The following CCBE1 variants were observed in gnomAD, a reference collection of about 807,000 sequenced individuals.
The protein encoded by CCBE1 is collagen and calcium binding EGF domains 1.
Under a neutral mutation model 50.0 loss-of-function variants are expected in CCBE1, and 37 were observed. That is an observed-to-expected ratio of 0.74 (90% confidence interval 0.57 to 0.97). The LOEUF is 0.97. Among genes scored for constraint, CCBE1 ranks in the 50% least tolerant of loss-of-function variants. The pLI is 0.00. For synonymous variants in CCBE1, 234 were observed against 203.7 expected (o/e 1.15, Z -1.27); for missense variants, 538 against 523.8 (o/e 1.03, Z -0.26).
At chr18:59,661,509 A>C (rs1410106123) in intron 2 of CCBE1, among the ~76,000 whole-genome samples, 1 of 152,148 alleles carries the variant, frequency 6.6e-6, no homozygotes, top group East Asian at 1.9e-4. Flanking sequence ...CTCATTACTC[A>C]GGTAGTTTTA....
At chr18:59,560,967 G>A (rs2052728269) in intron 2 of CCBE1, among the ~76,000 whole-genome samples, 1 of 152,230 alleles carries the variant, frequency 6.6e-6, no homozygotes, top group Non-Finnish European at 1.5e-5. Flanking sequence ...GGGGCCTAAG[G>A]CACTCCTAGA....
At chr18:59,476,790 T>A (rs1397338652) in intron 3 of CCBE1, among the ~76,000 whole-genome samples, 5 of 152,256 alleles carry the variant, frequency 3.3e-5, no homozygotes, top group African/African-American at 1.2e-4. Flanking sequence ...TAGGCCATGG[T>A]ACCCAGCTAT....
At chr18:59,583,895 G>A (rs1480175231) in intron 2 of CCBE1, among the ~76,000 whole-genome samples, 1 of 152,158 alleles carries the variant, frequency 6.6e-6, no homozygotes, top group African/African-American at 2.4e-5. Context: ...CTTTTACACT[G>A]CTGGTGGGAC....
In CCBE1 at chr18:59,435,756, T is replaced by C; in HGVS notation, c.*152A>G. 3 of 770,510 alleles carry C rather than the reference T, an allele frequency of 3.9e-6. No individual in the cohort carries two copies. The highest frequency in any genetic ancestry group is 6.9e-6 in the Non-Finnish European group (3 of 432,130). 47.7% of individuals were successfully genotyped at this position (770,510 alleles called of 1,614,324 possible). A position where few individuals can be genotyped will look rare whatever the true frequency, so the allele number is the denominator to read the frequency against. ...GGAGGGGACTCTGAAAATAGCATCG[T>C]ATTTGGAAGAAGAGGAGTGGAGAGA... is the stretch of plus-strand genomic sequence containing the variant. On this transcript the variant is annotated 3_prime_UTR_variant, in exon 11 of 11. Coordinates refer to ENST00000439986, the MANE Select transcript of CCBE1 (RefSeq NM_133459.4).
intron 2 of CCBE1, among the ~76,000 whole-genome samples, chr18:59,513,296 A>G (rs1170865288): frequency 7.0e-6 from 1 of 141,866 alleles, no homozygotes; most frequent in Non-Finnish European, 1.5e-5. Flanking sequence ...TGACAGAGAG[A>G]CTGTCTCAAA....
intron 2 of CCBE1, among the ~76,000 whole-genome samples, chr18:59,686,892 G>T (rs538074243): frequency 2.0e-5 from 3 of 152,186 alleles, no homozygotes; most frequent in Non-Finnish European, 4.4e-5. Flanking sequence ...ATATTACATT[G>T]TAAGTTTTTC....
At chr18:59,626,683 T>C (rs1357789840) in intron 2 of CCBE1, among the ~76,000 whole-genome samples, 1 of 152,256 alleles carries the variant, frequency 6.6e-6, no homozygotes, top group Non-Finnish European at 1.5e-5. Flanking sequence ...AGCTAGCAAG[T>C]GGTAAGGCCA....
chr18:59,589,227 T>C (rs1447845574), intron 2 of CCBE1, among the ~76,000 whole-genome samples: 2 of 152,174 alleles, frequency 1.3e-5, no homozygotes, highest in African/African-American at 2.4e-5. Flanking sequence ...ACTTACATTA[T>C]AGTTATCTAG....
chr18:59,435,684 G>A lies in CCBE1; in HGVS notation c.*224C>T. The A allele has an allele frequency of 1.7e-6, 1 of 600,560 alleles. No homozygotes were observed. The highest frequency in any genetic ancestry group is 3.0e-6 in the Non-Finnish European group (1 of 338,014). The allele number at this position is 600,560 out of a possible 1,614,324, so 37.2% of individuals were successfully genotyped here. ...CAAACCACCCCAATGGACTCTTAGTGAGAAGCAGGTAAATCAATCATTCAC... is the reference window on the plus strand; with the variant it reads ...CAAACCACCCCAATGGACTCTTAGTAAGAAGCAGGTAAATCAATCATTCAC... On this transcript the variant is annotated 3_prime_UTR_variant, in exon 11 of 11. Coordinates refer to ENST00000439986, the MANE Select transcript of CCBE1 (RefSeq NM_133459.4).
chr18:59,463,297 A>G (rs945712290), intron 5 of CCBE1, among the ~76,000 whole-genome samples: 6 of 152,174 alleles, frequency 3.9e-5, no homozygotes, highest in African/African-American at 1.4e-4. Flanking sequence ...CAGCAATCGT[A>G]GCTCACTGCA....
At chr18:59,481,179 T>A (rs1912553332) in intron 2 of CCBE1, among the ~76,000 whole-genome samples, 1 of 151,974 alleles carries the variant, frequency 6.6e-6, no homozygotes, top group Admixed American at 6.5e-5. Context: ...GACAAATAGA[T>A]CTGAAATTTT....
intron 2 of CCBE1, among the ~76,000 whole-genome samples, chr18:59,609,047 A>G (rs984409900): frequency 2.0e-5 from 3 of 152,212 alleles, no homozygotes; most frequent in African/African-American, 7.2e-5. Context: ...TCATATGTGC[A>G]TCTGTTGACC....
intron 2 of CCBE1, among the ~76,000 whole-genome samples, chr18:59,583,360 G>C (rs968648614): frequency 6.6e-6 from 1 of 152,154 alleles, no homozygotes; most frequent in African/African-American, 2.4e-5. Flanking sequence ...GGAACTTCAA[G>C]GCACTTCCCC....
intron 2 of CCBE1, among the ~76,000 whole-genome samples, chr18:59,543,922 T>C (rs960855698): frequency 7.2e-5 from 11 of 151,756 alleles, no homozygotes; most frequent in Admixed American, 3.9e-4. Context: ...TGGGATTCTG[T>C]TTGTGTTTAA....
intron 3 of CCBE1, among the ~76,000 whole-genome samples, chr18:59,472,738 T>C (rs1267504333): frequency 5.3e-5 from 8 of 152,236 alleles, no homozygotes; most frequent in Admixed American, 5.2e-4. Flanking sequence ...GGATCTCTCA[T>C]GTATTAGTCT....
chr18:59,697,031 G>C (rs1040958181), intron 1 of CCBE1, among the ~76,000 whole-genome samples, 181 bp downstream of exon 1: 4 of 152,212 alleles, frequency 2.6e-5, no homozygotes, highest in African/African-American at 7.2e-5. Context: ...GGGCGCAAAG[G>C]CTGATACCCG....
intron 2 of CCBE1, among the ~76,000 whole-genome samples, chr18:59,607,057 G>GAA (rs59954169): frequency 2.7e-4 from 32 of 117,368 alleles, no homozygotes; most frequent in African/African-American, 8.1e-4. Context: ...GTTGAATTGG[G>GAA]AAAAAAAAAA....
At chr18:59,480,006 C>A (rs1912490912) in intron 3 of CCBE1, among the ~76,000 whole-genome samples, 180 bp downstream of exon 3, 1 of 152,230 alleles carries the variant, frequency 6.6e-6, no homozygotes, top group Non-Finnish European at 1.5e-5. Context: ...GATTCAGACA[C>A]TGCACGCTAC....
chr18:59,541,228 AC>A (rs1466614344), intron 2 of CCBE1, among the ~76,000 whole-genome samples: 1 of 152,212 alleles, frequency 6.6e-6, no homozygotes, highest in Admixed American at 6.5e-5. Flanking sequence ...GTTTTGAGAG[AC>A]TTTGTTCACT....
Sources: allele counts gnomAD v4.1 joint callset (sites outside exome capture counted in the v4.1 genomes callset), GRCh38; gene constraint gnomAD v4.1.1; transcripts MANE v1.5; gene names NCBI Gene and HGNC (gene_info 2026-07-23, HGNC 2026-07-21).